The following ARHGAP20 variants were observed in gnomAD, a reference collection of about 807,000 sequenced individuals.
The protein encoded by ARHGAP20 is rho GTPase-activating protein 20.
ARHGAP20 carries 34 observed loss-of-function variants against 73.7 expected under a neutral mutation model. The ratio of observed to expected loss-of-function variants is 0.46; its 90% CI spans 0.35 to 0.61. The LOEUF (loss-of-function observed/expected upper bound fraction) is 0.61. Among genes scored for constraint, ARHGAP20 ranks in the 20% least tolerant of loss-of-function variants. The pLI is 0.00. For synonymous variants in ARHGAP20, 523 were observed against 518.2 expected (o/e 1.01, Z -0.13); for missense variants, 1,314 against 1,420.9 (o/e 0.92, Z 1.21).
chr11:110,602,564 C>T (rs1948136160), intron 9 of ARHGAP20, among the ~76,000 whole-genome samples: 1 of 152,114 alleles, frequency 6.6e-6, no homozygotes, highest in South Asian at 2.1e-4. Flanking sequence ...CATTTGTTAG[C>T]CAACCAAGGA....
chr11:110,693,161 T>G (rs1049645186), intron 1 of ARHGAP20, among the ~76,000 whole-genome samples: 5 of 152,064 alleles, frequency 3.3e-5, no homozygotes, highest in Admixed American at 1.3e-4. Flanking sequence ...ATTTTCTGAG[T>G]TTTAAAATTG....
chr11:110,624,837 G>T (rs1453902519), intron 3 of ARHGAP20, among the ~76,000 whole-genome samples: 6 of 152,082 alleles, frequency 3.9e-5, no homozygotes, highest in Non-Finnish European at 7.4e-5. Context: ...TTTATGGCAA[G>T]AAATAGGCAT....
intron 1 of ARHGAP20, among the ~76,000 whole-genome samples, chr11:110,695,516 C>A (rs1442800590): frequency 1.3e-5 from 2 of 151,418 alleles, no homozygotes; most frequent in Non-Finnish European, 3.0e-5. Flanking sequence ...TAAAAGTGGG[C>A]AAAGGATATG....
chr11:110,651,858 G>A (rs1023365548), intron 2 of ARHGAP20, among the ~76,000 whole-genome samples: 2 of 151,940 alleles, frequency 1.3e-5, no homozygotes, highest in East Asian at 3.9e-4. Context: ...AAACAACTGA[G>A]AAGGAGGGAC....
At chr11:110,701,278 C>T (rs1950446332) in intron 1 of ARHGAP20, among the ~76,000 whole-genome samples, 1 of 150,664 alleles carries the variant, frequency 6.6e-6, no homozygotes, top group Non-Finnish European at 1.5e-5. Context: ...GATTGCCATT[C>T]TAACTGGTGT....
At chr11:110,592,694 G>C (rs147137215) in intron 9 of ARHGAP20, among the ~76,000 whole-genome samples, 46 of 152,188 alleles carry the variant, frequency 3.0e-4, no homozygotes, top group African/African-American at 1.1e-3. Flanking sequence ...AAGAGGGGAG[G>C]AGAAGAAAGA....
At chr11:110,630,899 T>C (rs1948847249) in intron 2 of ARHGAP20, 107 bp from the exon 3 acceptor site, 2 of 1,123,496 alleles carry the variant, frequency 1.8e-6, no homozygotes, top group Admixed American at 2.4e-5. Flanking sequence ...GCATCCTAAC[T>C]GGTCATGAGT....
At chr11:110,675,823 C>T (rs753993221) in intron 2 of ARHGAP20, among the ~76,000 whole-genome samples, 3 of 152,194 alleles carry the variant, frequency 2.0e-5, no homozygotes, top group Non-Finnish European at 2.9e-5. Context: ...TTCCCTCATG[C>T]CCTAAGGCAG....
intron 1 of ARHGAP20, among the ~76,000 whole-genome samples, chr11:110,691,725 G>T (rs954933546): frequency 1.3e-5 from 2 of 152,042 alleles, no homozygotes; most frequent in Admixed American, 1.3e-4. Flanking sequence ...ATGCTCCTAG[G>T]GATCTCTCCC....
At chr11:110,601,151 AC>A (rs1466486845) in intron 9 of ARHGAP20, among the ~76,000 whole-genome samples, 1 of 152,192 alleles carries the variant, frequency 6.6e-6, no homozygotes, top group Non-Finnish European at 1.5e-5. Flanking sequence ...CATGCAAAAT[AC>A]CCATTTCCTA....
chr11:110,708,145 G>A (rs990427132), intron 1 of ARHGAP20, among the ~76,000 whole-genome samples: 11 of 152,000 alleles, frequency 7.2e-5, no homozygotes, highest in South Asian at 2.1e-4. Flanking sequence ...AAATAAGCAC[G>A]TGAAAAGATG....
chr11:110,579,468 A>AG lies in ARHGAP20; in HGVS notation c.3477dup (p.Ser1160LeufsTer24). 1 of 1,614,162 alleles carries AG rather than the reference A, an allele frequency of 6.2e-7. No individual in the cohort carries two copies. The highest frequency in any genetic ancestry group is 8.5e-7 in the Non-Finnish European group (1 of 1,180,020). ...TCCTCTAGAGTCCAAGAGCTGGCTG[A>AG]GGCTCTTTCCCAAGGCAGAGAACCA... On this transcript the variant is annotated frameshift_variant, in exon 15 of 15. Coordinates refer to ENST00000683387, the MANE Select transcript of ARHGAP20 (RefSeq NM_001384657.1). LOFTEE classifies it low-confidence loss of function (END_TRUNC).
Position 110,579,472 on chromosome 11 carries a change from T to G in ARHGAP20, c.3474A>C (p.Arg1158Ser). ...QSSSGSLPWE[R>S]ASASSWTLED... is the part of the protein sequence containing the mutation. Reference sequence around the variant, plus strand: ...CTAGAGTCCAAGAGCTGGCTGAGGCTCTTTCCCAAGGCAGAGAACCAGAAG... The same window carrying G: ...CTAGAGTCCAAGAGCTGGCTGAGGCGCTTTCCCAAGGCAGAGAACCAGAAG... Residue 1158 changes from arginine (R) to serine (S), a missense_variant, in exon 15 of 15, where the codon AGA becomes AGC. Arg to Ser is a moderately radical substitution (Grantham distance 110). Coordinates refer to ENST00000683387, the MANE Select transcript of ARHGAP20 (RefSeq NM_001384657.1). 2 of 1,614,178 alleles carry G rather than the reference T, an allele frequency of 1.2e-6. No homozygotes were observed. The highest frequency in any genetic ancestry group is 1.7e-6 in the Non-Finnish European group (2 of 1,180,030).
chr11:110,598,225 C>T (rs1323283379), intron 9 of ARHGAP20, among the ~76,000 whole-genome samples: 6 of 143,638 alleles, frequency 4.2e-5, no homozygotes, highest in African/African-American at 1.0e-4. Flanking sequence ...ACAGGGTAAA[C>T]AGAAAAAAAG....
chr11:110,639,248 C>CA (rs1491115494), intron 2 of ARHGAP20, among the ~76,000 whole-genome samples: 1 of 142,062 alleles, frequency 7.0e-6, no homozygotes, highest in Non-Finnish European at 1.5e-5. Context: ...ACCCCCCCCC[C>CA]ACAAGAGTTT....
chr11:110,711,340 G>A (rs746274736), intron 1 of ARHGAP20, among the ~76,000 whole-genome samples: 11 of 3,522 alleles, frequency 3.1e-3, no homozygotes, highest in Admixed American at 4.5e-3. Flanking sequence ...CCCGGCCAGA[G>A]TCCCAGGGGC....
chr11:110,617,407 C>G (rs1273837230), intron 4 of ARHGAP20, among the ~76,000 whole-genome samples: 1 of 152,058 alleles, frequency 6.6e-6, no homozygotes, highest in African/African-American at 2.4e-5. Flanking sequence ...GGATTACAGG[C>G]ATGTGCCACC....
intron 11 of ARHGAP20, chr11:110,589,298 C>T (rs1947759783): frequency 1.5e-6 from 1 of 653,588 alleles, no homozygotes; most frequent in African/African-American, 2.0e-5. Context: ...AGCTTCAACC[C>T]TCCAGTTCTC....
intron 2 of ARHGAP20, among the ~76,000 whole-genome samples, chr11:110,659,759 A>G (rs1399504126): frequency 6.6e-6 from 1 of 152,074 alleles, no homozygotes; most frequent in Admixed American, 6.6e-5. Context: ...TTGTAGGGAC[A>G]TGGATGAAAT....
Sources: gnomAD v4.1 joint callset for allele counts (sites outside exome capture counted in the v4.1 genomes callset) on GRCh38, gnomAD v4.1.1 for gene constraint, MANE v1.5 for transcripts, NCBI Gene and HGNC (gene_info 2026-07-23, HGNC 2026-07-21) for gene names.